Variants in CCSER1 observed in about 807,000 individuals in gnomAD.
CCSER1 encodes the protein coiled-coil serine rich protein 1.
CCSER1 carries 41 observed loss-of-function variants against 82.0 expected under a neutral mutation model. The observed-to-expected ratio is 0.50, with a 90% confidence interval of 0.39 to 0.65. The LOEUF is 0.65. Ranked by LOEUF, CCSER1 falls within the 30% of genes least tolerant of loss-of-function variation. The pLI is 0.00. For missense variants in CCSER1, 1,119 were observed against 1,064.2 expected, an observed-to-expected ratio of 1.05 and a Z score of -0.72; for synonymous variants, 414 against 383.9, an observed-to-expected ratio of 1.08 and a Z score of -0.92.
In CCSER1 at chr4:91,168,425, G is replaced by A. The variant is rs573475860; in HGVS notation, c.2217+82431G>A. Among the ~76,000 whole-genome samples the A allele has an allele frequency of 3.4e-4, 50 of 146,546 alleles. 1 individual carries two copies. In the South Asian group the frequency reaches 0.011, roughly 31 times the overall value. Reference sequence around the variant, plus strand: ...CCGCCCCGTCTGGGAAGTGGGGAGTGCCTCTGCCCGGCCGCCCTGTCTGGG... The same window carrying A: ...CCGCCCCGTCTGGGAAGTGGGGAGTACCTCTGCCCGGCCGCCCTGTCTGGG... On this transcript the variant is annotated intron_variant, in intron 10 of 10. Coordinates refer to ENST00000509176, the MANE Select transcript of CCSER1 (RefSeq NM_001145065.2).
intron 3 of CCSER1, among the ~76,000 whole-genome samples, chr4:90,320,370 A>G (rs1736915372): frequency 6.6e-6 from 1 of 152,208 alleles, no homozygotes; most frequent in South Asian, 2.1e-4. Context: ...GGTATTTCTT[A>G]TGATGCATTG....
chr4:90,780,782 G>C (rs544929824), intron 7 of CCSER1: 9 of 1,157,326 alleles, frequency 7.8e-6, no homozygotes, highest in African/African-American at 4.8e-5. Context: ...ATTGACTAAA[G>C]TATCAATATT....
At chr4:91,200,916 T>C (rs1266124507) in intron 10 of CCSER1, among the ~76,000 whole-genome samples, 1 of 152,054 alleles carries the variant, frequency 6.6e-6, no homozygotes, top group East Asian at 1.9e-4. Flanking sequence ...TAATCTATTA[T>C]TGTAGTCTTT....
intron 1 of CCSER1, among the ~76,000 whole-genome samples, chr4:90,204,408 T>C (rs1221390604): frequency 6.6e-6 from 1 of 152,252 alleles, no homozygotes; most frequent in Non-Finnish European, 1.5e-5. Context: ...ATTTTCTGCA[T>C]ATGGCTAGCC....
At chr4:91,195,283 C>T (rs547344442) in intron 10 of CCSER1, among the ~76,000 whole-genome samples, 2 of 152,054 alleles carry the variant, frequency 1.3e-5, no homozygotes, top group Non-Finnish European at 2.9e-5. Context: ...TGTGCTCTGC[C>T]GAAACTTGTA....
At chr4:90,531,251 C>T (rs1047282715) in intron 5 of CCSER1, among the ~76,000 whole-genome samples, 3 of 151,772 alleles carry the variant, frequency 2.0e-5, no homozygotes, top group African/African-American at 4.8e-5. Flanking sequence ...CTCTTTTCTC[C>T]CTGTATAAAC....
rs1761785306 is a variant in CCSER1, at chr4:91,544,615, T to G, written c.2218-53957T>G. 2.0e-5 allele frequency among the ~76,000 whole-genome samples: 3 copies of G among 152,212 alleles called. No individual in the cohort carries two copies. In the South Asian group the frequency reaches 6.2e-4, roughly 32 times the overall value. On this transcript the variant is annotated intron_variant, in intron 10 of 10. Transcript: ENST00000509176. ...TTGCCTGGGCATCACCAGTGGAGGC[T>G]GCAGAACAGCAAATATTGTAGAAAG...
At chr4:90,908,173 A>G (rs1725782989) in intron 8 of CCSER1, among the ~76,000 whole-genome samples, 1 of 152,210 alleles carries the variant, frequency 6.6e-6, no homozygotes. Context: ...TCAAAATGAC[A>G]TTTAGCAAAA....
At chr4:91,247,167 T>C (rs1739858639) in intron 10 of CCSER1, among the ~76,000 whole-genome samples, 2 of 151,462 alleles carry the variant, frequency 1.3e-5, no homozygotes, top group Non-Finnish European at 2.9e-5. Context: ...CCGGGTGTGG[T>C]GGTGGGCGCC....
At chr4:90,962,753 C>T (rs1484070128) in intron 9 of CCSER1, among the ~76,000 whole-genome samples, 1 of 152,088 alleles carries the variant, frequency 6.6e-6, no homozygotes, top group Non-Finnish European at 1.5e-5. Flanking sequence ...TACCTTTCAC[C>T]TTCTAGCTAG....
intron 10 of CCSER1, among the ~76,000 whole-genome samples, chr4:91,437,662 C>G (rs539504335): frequency 2.6e-5 from 4 of 152,244 alleles, no homozygotes; most frequent in African/African-American, 9.6e-5. Flanking sequence ...CTGCGCCAGC[C>G]GAAGCAGGGC....
At chr4:90,951,428 G>T (rs540787899) in intron 9 of CCSER1, 1 of 152,056 alleles carries the variant, frequency 6.6e-6, no homozygotes, top group South Asian at 2.1e-4. Context: ...GAGAATGTGT[G>T]AAAAAGTAAG....
intron 6 of CCSER1, among the ~76,000 whole-genome samples, chr4:90,632,344 A>C (rs973142938): frequency 6.6e-6 from 1 of 152,032 alleles, no homozygotes. Context: ...TTTGGGTTTA[A>C]TAAAAATTTT....
At chr4:90,355,875 A>T (rs1046244052) in intron 3 of CCSER1, among the ~76,000 whole-genome samples, 3 of 151,972 alleles carry the variant, frequency 2.0e-5, no homozygotes, top group African/African-American at 4.8e-5. Context: ...GATATTGTAA[A>T]TTATTGTAAA....
chr4:90,668,593 A>T (rs1392793451), intron 6 of CCSER1, among the ~76,000 whole-genome samples: 1 of 152,170 alleles, frequency 6.6e-6, no homozygotes, highest in Non-Finnish European at 1.5e-5. Flanking sequence ...ATGATTTGAC[A>T]AGGATATGAA....
At chr4:91,392,363 G>GCACACACGCGCA (rs58770768) in intron 10 of CCSER1, among the ~76,000 whole-genome samples, 7 of 148,118 alleles carry the variant, frequency 4.7e-5, no homozygotes, top group East Asian at 4.0e-4. Flanking sequence ...ACCTACACAT[G>GCACACACGCGCA]CACACACACA....
intron 5 of CCSER1, among the ~76,000 whole-genome samples, chr4:90,495,859 C>G (rs1221159374): frequency 2.0e-5 from 3 of 152,082 alleles, no homozygotes; most frequent in African/African-American, 7.2e-5. Context: ...AATAGAATGG[C>G]AGGGAGGAGG....
intron 6 of CCSER1, among the ~76,000 whole-genome samples, chr4:90,662,959 A>G (rs1214300794): frequency 6.6e-6 from 1 of 152,194 alleles, no homozygotes; most frequent in African/African-American, 2.4e-5. Context: ...TCATATTTCT[A>G]ATATCTTAAA....
At chr4:90,944,881 C>T (rs963471992) in intron 9 of CCSER1, among the ~76,000 whole-genome samples, 21 of 152,218 alleles carry the variant, frequency 1.4e-4, no homozygotes, top group African/African-American at 4.8e-4. Flanking sequence ...TCTGTCTCCA[C>T]CATTCACTCT....
Sources: allele counts gnomAD v4.1 joint callset (sites outside exome capture counted in the v4.1 genomes callset), GRCh38; gene constraint gnomAD v4.1.1; transcripts MANE v1.5; gene names NCBI Gene and HGNC (gene_info 2026-07-23, HGNC 2026-07-21).